The following SFMBT2 variants were observed in gnomAD, a reference collection of about 807,000 sequenced individuals.
SFMBT2 encodes the protein scm-like with four MBT domains protein 2.
A neutral mutation model predicts 110.1 loss-of-function variants in SFMBT2; 38 were observed. The ratio of observed to expected loss-of-function variants is 0.35; its 90% confidence interval spans 0.27 to 0.45. The LOEUF is 0.45. Ranked by LOEUF, SFMBT2 falls within the 20% of genes least tolerant of loss-of-function variation. The pLI is 1.00. For missense variants in SFMBT2, 1,011 were observed against 1,094.9 expected (o/e 0.92, Z 1.08); for synonymous variants, 425 against 425.4 (o/e 1.00, Z 0.01).
intron 20 of SFMBT2, among the ~76,000 whole-genome samples, chr10:7,167,485 G>A (rs1047107486): frequency 4.6e-5 from 7 of 152,290 alleles, no homozygotes; most frequent in African/African-American, 1.4e-4. Context: ...GGGCCTGCGT[G>A]CACATAGCGA....
At chr10:7,214,468 A>T (rs949044724) in intron 11 of SFMBT2, 2 of 738,060 alleles carry the variant, frequency 2.7e-6, no homozygotes, top group African/African-American at 3.8e-5. Flanking sequence ...ACAATTGCAG[A>T]GTGACGCATT....
At chr10:7,263,548 C>T (rs1212051326) in intron 7 of SFMBT2, among the ~76,000 whole-genome samples, 1 of 152,174 alleles carries the variant, frequency 6.6e-6, no homozygotes, top group African/African-American at 2.4e-5. Flanking sequence ...GGCCAACAGC[C>T]TCTATTTCAA....
chr10:7,333,223 G>A (rs1354339928), intron 4 of SFMBT2, among the ~76,000 whole-genome samples: 1 of 152,148 alleles, frequency 6.6e-6, no homozygotes, highest in Non-Finnish European at 1.5e-5. Flanking sequence ...CAACTTGAGA[G>A]ATAAGGAAAA....
At chr10:7,165,940 G>A (rs914407319) in intron 20 of SFMBT2, among the ~76,000 whole-genome samples, 1 of 152,218 alleles carries the variant, frequency 6.6e-6, no homozygotes, top group Non-Finnish European at 1.5e-5. Flanking sequence ...GGGCCTGTAG[G>A]CCAATTCCAC....
Position 7,202,336 on chromosome 10 carries a change from A to G in SFMBT2, c.1487+144T>C, listed in dbSNP as rs1160870565. On this transcript the variant is annotated intron_variant, in intron 13 of 20. Coordinates refer to ENST00000397167, the MANE Select transcript of SFMBT2 (RefSeq NM_001387889.1). ...GCACATAACAGGTACATAACAAATA[A>G]CAGTCACTATGTTTTACTGCTACCT... The G allele has an allele frequency of 1.4e-5, 14 of 1,016,390 alleles. No individual in the cohort carries two copies. In the African/African-American group the frequency reaches 2.2e-4, roughly 16 times the overall value. 63.0% of individuals were successfully genotyped at this position (1,016,390 alleles called of 1,614,324 possible). A position where few individuals can be genotyped will look rare whatever the true frequency, so the allele number is the denominator to read the frequency against.
At position 7,221,743 on chromosome 10, in the gene SFMBT2, C is replaced by T. The variant is rs193195627; in HGVS notation, c.1204-1206G>A. On this transcript the variant is annotated intron_variant, in intron 10 of 20. Transcript: ENST00000397167. ...TTTTGTTTATTGCTATTGTTTATTGCTATCTTTTTAAGATCACTTTAAACA... is the reference window on the plus strand; with the variant it reads ...TTTTGTTTATTGCTATTGTTTATTGTTATCTTTTTAAGATCACTTTAAACA... 8.4e-4 allele frequency among the ~76,000 whole-genome samples: 127 copies of T among 151,860 alleles called. 1 individual carries two copies. The highest frequency in any genetic ancestry group is 6.2e-3 in the East Asian group (32 of 5,176).
chr10:7,177,728 G>A (rs1397486578), intron 16 of SFMBT2, among the ~76,000 whole-genome samples: 1 of 152,056 alleles, frequency 6.6e-6, no homozygotes, highest in African/African-American at 2.4e-5. Flanking sequence ...TATGGGCACG[G>A]TGGGGCACTA....
chr10:7,354,512 G>A (rs1473734188), intron 4 of SFMBT2, among the ~76,000 whole-genome samples: 2 of 152,074 alleles, frequency 1.3e-5, no homozygotes, highest in African/African-American at 4.8e-5. Context: ...AGGTGGGAAA[G>A]GACGGCACTG....
chr10:7,369,669 T>C (rs765414589), intron 3 of SFMBT2, among the ~76,000 whole-genome samples: 31 of 152,190 alleles, frequency 2.0e-4, no homozygotes, highest in Admixed American at 1.7e-3. Flanking sequence ...AAAATCAAAA[T>C]ATTAATTGAA....
chr10:7,225,215 A>G (rs1839863132), intron 10 of SFMBT2, among the ~76,000 whole-genome samples: 1 of 152,204 alleles, frequency 6.6e-6, no homozygotes, highest in Non-Finnish European at 1.5e-5. Context: ...TTTCATTTCA[A>G]TCCACCGCTT....
chr10:7,309,994 T>A (rs909126310), intron 4 of SFMBT2, among the ~76,000 whole-genome samples: 2 of 152,156 alleles, frequency 1.3e-5, no homozygotes, highest in African/African-American at 4.8e-5. Flanking sequence ...GACAGCGCTG[T>A]ATTCTGCAGA....
chr10:7,299,588 T>G (rs1436977555), intron 4 of SFMBT2, among the ~76,000 whole-genome samples: 1 of 152,176 alleles, frequency 6.6e-6, no homozygotes, highest in Admixed American at 6.5e-5. Context: ...AAACAATAGA[T>G]GCTGGCGAGG....
intron 20 of SFMBT2, among the ~76,000 whole-genome samples, chr10:7,165,550 AT>A (rs1292618628): frequency 6.6e-6 from 1 of 152,276 alleles, no homozygotes; most frequent in Non-Finnish European, 1.5e-5. Flanking sequence ...TACTGTAGCA[AT>A]AAAAATGCAA....
At chr10:7,331,875 T>C (rs1449789166) in intron 4 of SFMBT2, among the ~76,000 whole-genome samples, 1 of 151,916 alleles carries the variant, frequency 6.6e-6, no homozygotes, top group Non-Finnish European at 1.5e-5. Flanking sequence ...CCGGGCGTGG[T>C]GGTGCGCCCC....
chr10:7,214,722 T>C, intron 11 of SFMBT2: 1 of 985,484 alleles, frequency 1.0e-6, no homozygotes, highest in East Asian at 1.1e-4. Context: ...AAACTTACTG[T>C]CCAAAGCTGT....
chr10:7,173,387 T>C (rs1402664685), intron 17 of SFMBT2, among the ~76,000 whole-genome samples: 3 of 152,202 alleles, frequency 2.0e-5, no homozygotes, highest in African/African-American at 7.2e-5. Context: ...GGCGTGGTCC[T>C]GGCATGAGGG....
chr10:7,167,739 C>T (rs72773844), intron 20 of SFMBT2, among the ~76,000 whole-genome samples: 1 of 152,162 alleles, frequency 6.6e-6, no homozygotes, highest in Non-Finnish European at 1.5e-5. Flanking sequence ...TGGGCAATGG[C>T]TTTTTATTCC....
intron 4 of SFMBT2, among the ~76,000 whole-genome samples, chr10:7,328,197 C>G (rs1564442508): frequency 6.6e-6 from 1 of 152,200 alleles, no homozygotes; most frequent in Non-Finnish European, 1.5e-5. Flanking sequence ...GACTGTGGCT[C>G]TAATTTGCAA....
intron 1 of SFMBT2, among the ~76,000 whole-genome samples, chr10:7,391,036 G>C (rs1330647503): frequency 1.3e-5 from 2 of 152,046 alleles, no homozygotes; most frequent in Non-Finnish European, 2.9e-5. Flanking sequence ...AGAGGCTAAG[G>C]TTGCAGTGAG....
Sources: allele counts gnomAD v4.1 joint callset (sites outside exome capture counted in the v4.1 genomes callset), GRCh38; gene constraint gnomAD v4.1.1; transcripts MANE v1.5; gene names NCBI Gene and HGNC (gene_info 2026-07-23, HGNC 2026-07-21).